The following UTS2B variants were observed in gnomAD, a reference collection of about 807,000 sequenced individuals.
The protein encoded by UTS2B is urotensin 2B, also known as urotensin-2B.
Under a neutral mutation model 19.2 loss-of-function variants are expected in UTS2B, and 21 were observed. The observed-to-expected ratio is 1.09, with a 90% CI of 0.78 to 1.58. UTS2B has a LOEUF of 1.58. UTS2B is among the 40% of genes most tolerant of loss of function. The pLI, the probability that UTS2B is intolerant of heterozygous loss-of-function variation, is 0.00. For missense variants in UTS2B, 138 were observed against 130.3 expected, an observed-to-expected ratio of 1.06 and a Z score of -0.29; for synonymous variants, 57 against 50.2, an observed-to-expected ratio of 1.14 and a Z score of -0.58.
At chr3:191,280,524 C>T (rs1716357439) in intron 5 of UTS2B, among the ~76,000 whole-genome samples, 1 of 152,122 alleles carries the variant, frequency 6.6e-6, no homozygotes, top group African/African-American at 2.4e-5. Context: ...TCCCTCTAAT[C>T]TTGGACTATT....
chr3:191,301,669 T>C (rs34848591), intron 4 of UTS2B, among the ~76,000 whole-genome samples: 53,824 of 151,072 alleles, frequency 0.36, 9,915 homozygotes, highest in Middle Eastern at 0.52. Flanking sequence ...TTTTGTATTT[T>C]TAGTAGAGAC....
chr3:191,292,736 T>A lies in UTS2B; in HGVS notation c.-124-10423A>T, dbSNP rs1280759780. ...GACCTCTTTGTCTTTTTCTTGAGCT[T>A]AGAGGGTAAAGCTTTCAACTTTTAC... On this transcript the variant is annotated intron_variant, in intron 4 of 8. Transcript: ENST00000340524. Among the ~76,000 whole-genome samples the A allele has an allele frequency of 3.3e-5, 5 of 152,362 alleles. No individual in the cohort carries two copies. In the East Asian group the frequency reaches 9.6e-4, roughly 29 times the overall value.
upstream of UTS2B, among the ~76,000 whole-genome samples, chr3:191,332,286 C>T (rs551372163): frequency 6.6e-6 from 1 of 152,218 alleles, no homozygotes; most frequent in African/African-American, 2.4e-5. Context: ...TTGGACAGAC[C>T]TTTTGAAAAA....
At chr3:191,313,293 C>T (rs1170965116) in intron 3 of UTS2B, among the ~76,000 whole-genome samples, 1 of 152,194 alleles carries the variant, frequency 6.6e-6, no homozygotes, top group African/African-American at 2.4e-5. Flanking sequence ...CAGCACCCAG[C>T]TTAAACAATT....
chr3:191,330,296 AACAC>A (rs3048670), intron 1 of UTS2B, 114 bp downstream of exon 1: 22,619 of 137,016 alleles, frequency 0.17, 1,964 homozygotes, highest in Admixed American at 0.21. Context: ...TTACAAACAA[AACAC>A]ACACACACAC....
intron 4 of UTS2B, among the ~76,000 whole-genome samples, chr3:191,304,104 T>C (rs1441086301): frequency 6.6e-6 from 1 of 152,054 alleles, no homozygotes; most frequent in Non-Finnish European, 1.5e-5. Context: ...ATTACAGGCA[T>C]GCGCCACCAT....
At chr3:191,279,630 T>C (rs1437346337) in intron 5 of UTS2B, among the ~76,000 whole-genome samples, 1 of 152,042 alleles carries the variant, frequency 6.6e-6, no homozygotes, top group South Asian at 2.1e-4. Context: ...CTCTGCATAG[T>C]TAAGTGAAAC....
intron 4 of UTS2B, among the ~76,000 whole-genome samples, chr3:191,303,987 T>A (rs940654260): frequency 4.6e-5 from 7 of 151,904 alleles, no homozygotes; most frequent in African/African-American, 1.7e-4. Context: ...TTTTCTTTTC[T>A]GAGATGGAGT....
Position 191,275,389 on chromosome 3 carries a change from C to A in UTS2B, c.241-44G>T, listed in dbSNP as rs373185681. 24 of 1,541,316 alleles carry A rather than the reference C, an allele frequency of 1.6e-5. No homozygotes were observed. In the East Asian group the frequency reaches 5.0e-4, roughly 32 times the overall value. ...GATAATTAATTGGTCTTCTATAAAA[C>A]CATGCTGTTGACCGGGCGCGGTGGC... On this transcript the variant is annotated intron_variant, in intron 7 of 8. Coordinates refer to ENST00000340524, the MANE Select transcript of UTS2B (RefSeq NM_198152.5).
chr3:191,322,045 T>A (rs936068930), intron 2 of UTS2B, among the ~76,000 whole-genome samples: 1 of 137,094 alleles, frequency 7.3e-6, no homozygotes, highest in Non-Finnish European at 1.5e-5. Context: ...TATATACATA[T>A]ATATGTGTGT....
At chr3:191,307,507 TC>T (rs1293334557) in intron 3 of UTS2B, among the ~76,000 whole-genome samples, 1 of 152,222 alleles carries the variant, frequency 6.6e-6, no homozygotes, top group Non-Finnish European at 1.5e-5. Context: ...GGCTGCAGTC[TC>T]ATGTATAAAC....
rs373048915 is a variant in UTS2B at position 191,282,136 on chromosome 3, G to A, written c.54C>T (p.Ser18=). 1.1e-5 allele frequency: 17 copies of A among 1,613,328 alleles called. No individual in the cohort carries two copies. In the East Asian group the frequency reaches 1.1e-4, roughly 11 times the overall value. The part of the protein sequence containing the change: ...TVCFGLLTLL[S]VLSFLQSVHG... The stretch of plus-strand genomic sequence containing the variant: ...GCACAGATTGTAAAAAACTCAACAC[G>A]GATAACAAAGTTAGGAGTCCAAAGC... The change falls in exon 5 of 9, where the codon TCC becomes TCT. Residue 18 remains serine (S), a synonymous_variant. Transcript: ENST00000340524.
chr3:191,321,887 C>T (rs193151080), intron 2 of UTS2B, among the ~76,000 whole-genome samples: 13 of 152,138 alleles, frequency 8.5e-5, no homozygotes, highest in South Asian at 8.3e-4. Flanking sequence ...ATTAGCCAGG[C>T]GTGGTGGCGG....
chr3:191,279,552 G>C (rs1221122492), intron 5 of UTS2B, among the ~76,000 whole-genome samples: 1 of 151,994 alleles, frequency 6.6e-6, no homozygotes, highest in Non-Finnish European at 1.5e-5. Flanking sequence ...AAATGTATAT[G>C]ACTAAGAGTA....
intron 6 of UTS2B, chr3:191,277,781 A>G (rs757513071): frequency 1.1e-5 from 2 of 183,862 alleles, no homozygotes; most frequent in Non-Finnish European, 2.2e-5. Flanking sequence ...ACTAGTGGAG[A>G]ATTGCATAGA....
At chr3:191,329,378 T>G (rs897182718) in intron 1 of UTS2B, 11 of 369,452 alleles carry the variant, frequency 3.0e-5, no homozygotes, top group Non-Finnish European at 4.3e-5. Flanking sequence ...CCCTCCGTAC[T>G]GGACGGCCCC....
At chr3:191,325,581 A>C (rs149009390) in intron 2 of UTS2B, among the ~76,000 whole-genome samples, 2 of 152,326 alleles carry the variant, frequency 1.3e-5, no homozygotes, top group Non-Finnish European at 2.9e-5. Context: ...GGGTTGGGGA[A>C]CTTACATATG....
intron 3 of UTS2B, among the ~76,000 whole-genome samples, chr3:191,309,699 C>T (rs1241560130): frequency 2.6e-5 from 4 of 152,158 alleles, no homozygotes; most frequent in Admixed American, 6.6e-5. Context: ...TTGGTAATAG[C>T]GCGTGAGTCA....
At position 191,268,126 on chromosome 3, in the gene UTS2B, T is replaced by C. The variant is rs1304420263; in HGVS notation, c.*290A>G. ...GGGGCGCATTCCATTCCCAGAGCTA[T>C]GAACATCTGCTTTTCTGGGATAGGA... is the stretch of plus-strand genomic sequence containing the variant. On this transcript the variant is annotated 3_prime_UTR_variant, in exon 9 of 9. Coordinates refer to ENST00000340524, the MANE Select transcript of UTS2B (RefSeq NM_198152.5). 1.7e-5 allele frequency: 4 copies of C among 240,372 alleles called. No homozygotes were observed. Among genetic ancestry groups the C allele is most frequent in the Non-Finnish European group, 3.2e-5 (4 of 123,436 alleles). 14.9% of individuals were successfully genotyped at this position (240,372 alleles called of 1,614,324 possible). A position where few individuals can be genotyped will look rare whatever the true frequency, so the allele number is the denominator to read the frequency against.
Sources: allele counts gnomAD v4.1 joint callset (sites outside exome capture counted in the v4.1 genomes callset), GRCh38; gene constraint gnomAD v4.1.1; transcripts MANE v1.5; gene names NCBI Gene and HGNC (gene_info 2026-07-23, HGNC 2026-07-21).